The following KDM4B variants were observed in gnomAD, a reference collection of about 807,000 sequenced individuals.
The protein encoded by KDM4B is lysine-specific demethylase 4B.
A neutral mutation model predicts 125.2 loss-of-function variants in KDM4B; 32 were observed. That is an observed-to-expected ratio of 0.26 (90% CI 0.19 to 0.34). The LOEUF (loss-of-function observed/expected upper bound fraction) is 0.34, where lower values mean the gene tolerates loss of function less well. Among genes scored for constraint, KDM4B ranks in the 10% least tolerant of loss-of-function variants. The probability of loss-of-function intolerance (pLI) is 1.00; values close to 1 mark genes in which losing one functional copy is unlikely to be tolerated. For synonymous variants in KDM4B, 721 were observed against 677.9 expected (o/e 1.06, Z -0.99); for missense variants, 1,190 against 1,577.7 (o/e 0.75, Z 4.16).
intron 9 of KDM4B, among the ~76,000 whole-genome samples, chr19:5,102,706 C>T (rs542615068): frequency 2.6e-4 from 40 of 151,102 alleles, no homozygotes; most frequent in South Asian, 2.1e-4. Flanking sequence ...CGGCGGGCGA[C>T]GGGTGACGGG....
Position 5,119,757 on chromosome 19 carries a change from G to A in KDM4B, c.1220G>A (p.Ser407Asn). 3.9e-6 allele frequency: 6 copies of A among 1,548,104 alleles called. No individual in the cohort carries two copies. Among genetic ancestry groups the A allele is most frequent in the Non-Finnish European group, 5.2e-6 (6 of 1,145,768 alleles). Residue 407 changes from serine (S) to asparagine (N), a missense_variant, in exon 11 of 23, where the codon AGC becomes AAC. Physicochemically the swap from Ser to Asn is conservative, Grantham distance 46. This residue lies in a region of KDM4B where 428 missense variants were observed against 405.1 expected (regional missense o/e 1.06). Coordinates refer to ENST00000159111, the MANE Select transcript of KDM4B (RefSeq NM_015015.3). ...GAALLEEAGG[S>N]VKEEAGPEVD... The stretch of plus-strand genomic sequence containing the variant: ...GCGCTCCTAGAGGAGGCTGGGGGCA[G>A]CGTGAAGGAGGAGGCTGGGCCGGAG...
intron 2 of KDM4B, among the ~76,000 whole-genome samples, chr19:5,017,945 T>G (rs939551401): frequency 6.6e-6 from 1 of 152,126 alleles, no homozygotes; most frequent in Non-Finnish European, 1.5e-5. Context: ...TTTCACCGTG[T>G]TAGCCAGGAT....
At chr19:5,017,455 T>C (rs751460697) in intron 2 of KDM4B, among the ~76,000 whole-genome samples, 37 of 152,184 alleles carry the variant, frequency 2.4e-4, no homozygotes, top group Non-Finnish European at 2.4e-4. Flanking sequence ...GGCCTGCGCA[T>C]CTGGAGATAT....
chr19:5,036,146 C>A (rs1185813368), intron 3 of KDM4B, among the ~76,000 whole-genome samples: 2 of 152,116 alleles, frequency 1.3e-5, no homozygotes, highest in Non-Finnish European at 2.9e-5. Context: ...TGGTTCTGAG[C>A]GAGCTGTGGG....
chr19:5,041,248 T>A lies in KDM4B; in HGVS notation c.429T>A (p.Asp143Glu), dbSNP rs1365599441. Residue 143 changes from aspartate (D) to glutamate (E), a missense_variant, in exon 5 of 23, where the codon GAT becomes GAA. Physicochemically the swap from Asp to Glu is conservative, Grantham distance 45 (BLOSUM62 2). This residue lies in a region of KDM4B where 139 missense variants were observed against 248.3 expected (regional missense o/e 0.56). Coordinates refer to ENST00000159111, the MANE Select transcript of KDM4B (RefSeq NM_015015.3). The part of the protein sequence containing the change: ...YGADISGSLY[D>E]DDVAQWNIGS... ...CTGACATCAGCGGCTCTTTGTATGA[T>A]GACGTAAGTATGAGGCTCCGGGGAA... is the stretch of plus-strand genomic sequence containing the variant. The A allele has an allele frequency of 6.2e-7, 1 of 1,610,304 alleles. No homozygotes were observed. Among genetic ancestry groups the A allele is most frequent in the Non-Finnish European group, 8.5e-7 (1 of 1,177,228 alleles).
intron 6 of KDM4B, among the ~76,000 whole-genome samples, chr19:5,058,393 A>C (rs858418): frequency 0.97 from 148,174 of 152,260 alleles, 72,129 homozygotes; most frequent in East Asian, 1. Flanking sequence ...GGCAGGGAGA[A>C]TGGGGGGCTC....
intron 4 of KDM4B, 99 bp from the exon 5 acceptor site, chr19:5,041,038 C>T (rs11878982): frequency 0.19 from 137,448 of 719,078 alleles, 15,316 homozygotes; most frequent in Middle Eastern, 0.27. Flanking sequence ...GAGCCCCTCC[C>T]GCCTCTTTCA....
chr19:5,019,918 A>G (rs111164915), intron 2 of KDM4B, among the ~76,000 whole-genome samples: 2,231 of 48,302 alleles, frequency 0.046, 102 homozygotes, highest in South Asian at 0.14. Context: ...GTTGGTGTGG[A>G]TGTTGGTGTG....
intron 3 of KDM4B, among the ~76,000 whole-genome samples, chr19:5,036,551 G>T (rs542485453): frequency 2.6e-5 from 4 of 152,220 alleles, no homozygotes; most frequent in Non-Finnish European, 5.9e-5. Context: ...CCTCCCAGGC[G>T]GGTGCCAGCA....
chr19:5,117,855 T>A (rs1042642402), intron 10 of KDM4B, among the ~76,000 whole-genome samples: 8 of 152,170 alleles, frequency 5.3e-5, no homozygotes, highest in Non-Finnish European at 8.8e-5. Context: ...GCTTTCTGCC[T>A]TGAGTCATTG....
rs1250917509 is a variant in KDM4B at position 5,082,526 on chromosome 19, ACGGGTCCCAGCAGGG to A, written c.918+27_918+41del. 1 of 1,573,138 alleles carries A rather than the reference ACGGGTCCCAGCAGGG, an allele frequency of 6.4e-7. No individual in the cohort carries two copies. Among genetic ancestry groups the A allele is most frequent in the Non-Finnish European group, 8.6e-7 (1 of 1,160,284 alleles). ...TCAGGTAAAAGCTTGCCTGCTGGGA[ACGGGTCCCAGCAGGG>A]CGGGAGGAGGCTCTTTTTTGCCTCT... On this transcript the variant is annotated intron_variant, in intron 9 of 22. Transcript: ENST00000159111. The surrounding 1 kb of genome is among the most constrained non-coding windows in gnomAD (Gnocchi z 5.4).
chr19:5,085,221 A>G (rs1281381833), intron 9 of KDM4B, among the ~76,000 whole-genome samples: 1 of 152,158 alleles, frequency 6.6e-6, no homozygotes, highest in East Asian at 1.9e-4. Flanking sequence ...GAAAGTCTCG[A>G]ATGTCTCTAG....
intron 2 of KDM4B, among the ~76,000 whole-genome samples, chr19:5,031,083 G>A (rs774030082): frequency 1.5e-4 from 23 of 152,236 alleles, no homozygotes; most frequent in Admixed American, 4.6e-4. Context: ...CCTCTGAGCC[G>A]GTGGCTCCCT....
intron 6 of KDM4B, among the ~76,000 whole-genome samples, chr19:5,051,448 G>A (rs918824652): frequency 6.6e-6 from 1 of 152,252 alleles, no homozygotes; most frequent in African/African-American, 2.4e-5. Flanking sequence ...GTGGGCCACC[G>A]CCAAGAGCAG....
intron 9 of KDM4B, among the ~76,000 whole-genome samples, chr19:5,099,330 G>C (rs2038887522): frequency 6.6e-6 from 1 of 152,210 alleles, no homozygotes; most frequent in African/African-American, 2.4e-5. Context: ...GCGGTAGTGA[G>C]ACAAGACGGT....
At chr19:5,117,404 AG>A (rs1308614479) in intron 10 of KDM4B, among the ~76,000 whole-genome samples, 6 of 151,934 alleles carry the variant, frequency 3.9e-5, no homozygotes, top group African/African-American at 1.5e-4. Flanking sequence ...GCGGCATGGG[AG>A]GGCGCCCTTC....
intron 2 of KDM4B, among the ~76,000 whole-genome samples, chr19:5,030,813 C>T (rs770117979): frequency 2.0e-5 from 3 of 152,236 alleles, no homozygotes; most frequent in Non-Finnish European, 2.9e-5. Flanking sequence ...GCCAGGGACC[C>T]GGGAAGTGCT....
rs200348967 is a variant in KDM4B, at chr19:4,971,441, C to A, written c.-109+2211C>A. 6.6e-5 allele frequency among the ~76,000 whole-genome samples: 10 copies of A among 151,808 alleles called. No individual in the cohort carries two copies. The highest frequency in any genetic ancestry group is 2.2e-4 in the African/African-American group (9 of 41,354). ...CTGTCTCCTCTGCTGGTTTCCTGCC[C>A]GTTTGTCCTATGCCCCACCCACTCC... On this transcript the variant is annotated intron_variant, in intron 1 of 22. Coordinates refer to ENST00000159111, the MANE Select transcript of KDM4B (RefSeq NM_015015.3). The surrounding 1 kb of genome is among the most constrained non-coding windows in gnomAD (Gnocchi z 4.1).
At chr19:5,093,312 G>T (rs2038749132) in intron 9 of KDM4B, among the ~76,000 whole-genome samples, 1 of 152,214 alleles carries the variant, frequency 6.6e-6, no homozygotes, top group Non-Finnish European at 1.5e-5. Flanking sequence ...CAGGCACCTG[G>T]TGGATGTGTG....
Sources: gnomAD v4.1 joint callset for allele counts (sites outside exome capture counted in the v4.1 genomes callset) on GRCh38, gnomAD v4.1.1 for gene constraint, gnomAD v4.1.1 regional missense constraint, Gnocchi (gnomAD v3.1) non-coding constraint, MANE v1.5 for transcripts, NCBI Gene and HGNC (gene_info 2026-07-23, HGNC 2026-07-21) for gene names.